FAM220A: variants seen among roughly 807,000 people sequenced by gnomAD.
FAM220A encodes family with sequence similarity 220 member A, also known as protein FAM220A.
For missense variants in FAM220A, 392 were observed against 321.6 expected (o/e 1.22, Z -1.68); for synonymous variants, 141 against 130.7 (o/e 1.08, Z -0.54).
At chr7:6,337,161 T>C (rs529244184) in intron 1 of FAM220A, among the ~76,000 whole-genome samples, 1 of 152,132 alleles carries the variant, frequency 6.6e-6, no homozygotes, top group South Asian at 2.1e-4. Flanking sequence ...AGCCTCTGCT[T>C]CCCGCACTCA....
rs1034280442 is a variant in FAM220A at position 6,337,648 on chromosome 7, T to C, written c.-81-6413A>G. Among the ~76,000 whole-genome samples, 4 of 151,826 alleles carry C rather than the reference T, an allele frequency of 2.6e-5. No homozygotes were observed. In the East Asian group the frequency reaches 7.7e-4, roughly 29 times the overall value. Reference sequence around the variant, plus strand: ...AAGGTACCATTAGTAATCACTTATTTTATAACTCAGAAACATAAAAAAATT... The same window carrying C: ...AAGGTACCATTAGTAATCACTTATTCTATAACTCAGAAACATAAAAAAATT... On this transcript the variant is annotated intron_variant, in intron 1 of 1. Transcript: ENST00000313324.
At chr7:6,334,406 C>G (rs940392926) in intron 1 of FAM220A, among the ~76,000 whole-genome samples, 5 of 151,650 alleles carry the variant, frequency 3.3e-5, no homozygotes, top group African/African-American at 9.7e-5. Flanking sequence ...CATGGTGGAG[C>G]ATGCCTGTAG....
At chr7:6,332,726 C>T (rs933755891) in intron 1 of FAM220A, among the ~76,000 whole-genome samples, 3 of 152,066 alleles carry the variant, frequency 2.0e-5, no homozygotes, top group Non-Finnish European at 4.4e-5. Flanking sequence ...AATTAAAGAG[C>T]AGCAACACTG....
chr7:6,332,214 G>A (rs560847308), intron 1 of FAM220A, among the ~76,000 whole-genome samples: 1 of 152,038 alleles, frequency 6.6e-6, no homozygotes, highest in South Asian at 2.1e-4. Context: ...TAATTTTATA[G>A]GGACCAGCAC....
At chr7:6,338,852 C>G (rs1050275983) in intron 1 of FAM220A, among the ~76,000 whole-genome samples, 3 of 152,140 alleles carry the variant, frequency 2.0e-5, no homozygotes, top group African/African-American at 7.2e-5. Flanking sequence ...AAGGCTAGTC[C>G]CAAAGGGGAG....
intron 1 of FAM220A, among the ~76,000 whole-genome samples, chr7:6,339,609 G>A (rs925630658): frequency 6.6e-6 from 1 of 151,760 alleles, no homozygotes; most frequent in African/African-American, 2.4e-5. Flanking sequence ...TCAGCCTCCG[G>A]AGTAGCTGGG....
intron 1 of FAM220A, among the ~76,000 whole-genome samples, chr7:6,334,126 G>A (rs541355606): frequency 3.8e-4 from 57 of 151,494 alleles, no homozygotes; most frequent in East Asian, 3.0e-3. Flanking sequence ...GATTACAAGC[G>A]TGAGCCACCG....
chr7:6,345,648 T>C (rs1781938740), intron 1 of FAM220A, among the ~76,000 whole-genome samples: 1 of 152,222 alleles, frequency 6.6e-6, no homozygotes, highest in Non-Finnish European at 1.5e-5. Flanking sequence ...TTTTTACAAA[T>C]GACTGCAAAT....
intron 1 of FAM220A, among the ~76,000 whole-genome samples, chr7:6,342,311 G>A (rs6948491): frequency 0.34 from 51,771 of 151,842 alleles, 9,783 homozygotes; most frequent in East Asian, 0.82. Flanking sequence ...CTGGGAGGCC[G>A]AGGCAGGTGG....
intron 1 of FAM220A, among the ~76,000 whole-genome samples, chr7:6,346,020 C>T (rs1237629056): frequency 6.6e-6 from 1 of 152,116 alleles, no homozygotes; most frequent in Admixed American, 6.6e-5. Flanking sequence ...CCGCCTGCTT[C>T]AGCCTCCCAA....
rs1156709247 is a variant in FAM220A at position 6,330,599 on chromosome 7, C to T, written c.556G>A (p.Ala186Thr). 6.2e-6 allele frequency: 10 copies of T among 1,614,016 alleles called. No individual in the cohort carries two copies. Among genetic ancestry groups the T allele is most frequent in the South Asian group, 4.4e-5 (4 of 91,086 alleles). The change falls in exon 2 of 2, where the codon GCT becomes ACT. Residue 186 changes from alanine to threonine, a missense_variant. Coordinates refer to ENST00000313324, the MANE Select transcript of FAM220A (RefSeq NM_001037163.2). ...GCAGACAGGATGGAGTGCAGGCAAG[C>T]GGGTTCCAACTCAGAGCCCAGACCC... The part of the protein sequence containing the change: ...PKGLGSELEP[A>T]CLHSILSATL...
chr7:6,338,509 T>C (rs1781789459), intron 1 of FAM220A: 1 of 152,072 alleles, frequency 6.6e-6, no homozygotes, highest in East Asian at 1.9e-4. Flanking sequence ...AGAGGGTAAA[T>C]CTTGCAGCCT....
intron 1 of FAM220A, among the ~76,000 whole-genome samples, chr7:6,336,901 A>G (rs927492803): frequency 7.3e-5 from 11 of 151,494 alleles, no homozygotes; most frequent in Non-Finnish European, 1.5e-4. Context: ...TGATCCGCCC[A>G]CCTCAGCCTC....
At chr7:6,348,148 A>G (rs1393343021) in intron 1 of FAM220A, among the ~76,000 whole-genome samples, 1 of 148,554 alleles carries the variant, frequency 6.7e-6, no homozygotes, top group African/African-American at 2.4e-5. Flanking sequence ...GACCTCAGGT[A>G]ATCCGCCCGC....
In FAM220A at chr7:6,348,759, A is replaced by C. The variant is rs1390646751; in HGVS notation, c.-268T>G. ...CCAGGCCCGACAGAGCCGCCGCCAT[A>C]TAGAGACCGGCGCTCCCACAGCCCC... On this transcript the variant is annotated 5_prime_UTR_variant, in exon 1 of 2. Transcript: ENST00000313324. 2.5e-6 allele frequency: 1 copy of C among 400,000 alleles called. No homozygotes were observed. Among genetic ancestry groups the C allele is most frequent in the African/African-American group, 2.1e-5 (1 of 48,602 alleles). The allele number at this position is 400,000 out of a possible 1,614,324, so 24.8% of individuals were successfully genotyped here. A position where few individuals can be genotyped will look rare whatever the true frequency, so the allele number is the denominator to read the frequency against.
rs140398639 is a variant in FAM220A at position 6,340,696 on chromosome 7, G to C, written c.-82+7877C>G. Among the ~76,000 whole-genome samples, 3 of 152,014 alleles carry C rather than the reference G, an allele frequency of 2.0e-5. No individual in the cohort carries two copies. The South Asian group carries it at 6.2e-4, about 32-fold the overall frequency. On this transcript the variant is annotated intron_variant, in intron 1 of 1. Transcript: ENST00000313324. ...GGGCGGATCACGAGGTCAGGAGATC[G>C]AGACCATCCTGGCTAACACGGTAAA...
intron 1 of FAM220A, among the ~76,000 whole-genome samples, chr7:6,332,925 C>A (rs1159972461): frequency 6.6e-6 from 1 of 152,016 alleles, no homozygotes; most frequent in African/African-American, 2.4e-5. Context: ...CTTTGGGAGG[C>A]CAAGGCGGAC....
chr7:6,333,908 G>A (rs547338295), intron 1 of FAM220A, among the ~76,000 whole-genome samples: 23 of 141,596 alleles, frequency 1.6e-4, no homozygotes, highest in Admixed American at 6.7e-4. Flanking sequence ...GTGCAGTGGC[G>A]CCATCTCAGC....
chr7:6,343,402 AT>A (rs1781900679), intron 1 of FAM220A, among the ~76,000 whole-genome samples: 1 of 668 alleles, frequency 1.5e-3, no homozygotes, highest in Non-Finnish European at 2.6e-3. Context: ...AATTTCATAT[AT>A]ATATATATAT....
Sources: allele counts gnomAD v4.1 joint callset (sites outside exome capture counted in the v4.1 genomes callset), GRCh38; gene constraint gnomAD v4.1.1; transcripts MANE v1.5; gene names NCBI Gene and HGNC (gene_info 2026-07-23, HGNC 2026-07-21).